Variants in METAP2 observed in about 807,000 individuals in gnomAD.
The protein encoded by METAP2 is methionine aminopeptidase 2.
Under a neutral mutation model 59.4 loss-of-function variants are expected in METAP2, and 25 were observed. The ratio of observed to expected loss-of-function variants is 0.42; its 90% confidence interval spans 0.31 to 0.59. The LOEUF (loss-of-function observed/expected upper bound fraction) is 0.59. METAP2 is among the 20% of genes least tolerant of loss of function. METAP2 has a pLI of 0.16. For synonymous variants in METAP2, 214 were observed against 194.1 expected (o/e 1.10, Z -0.85); for missense variants, 366 against 581.2 (o/e 0.63, Z 3.81).
At chr12:95,490,779 C>G (rs2076232128) in intron 4 of METAP2, among the ~76,000 whole-genome samples, 1 of 152,056 alleles carries the variant, frequency 6.6e-6, no homozygotes, top group Admixed American at 6.6e-5. Context: ...TTTTCTCTTT[C>G]TCTTCAGTGC....
chr12:95,485,915 G>A lies in METAP2; in HGVS notation c.362G>A (p.Cys121Tyr). The A allele has an allele frequency of 6.3e-7, 1 of 1,589,298 alleles. No individual in the cohort carries two copies. ...VQTDPPSVPI[C>Y]DLYPNGVFPK... ...ACAGACCCTCCCTCAGTTCCAATAT[G>A]TGACCTGTATCCTAATGGTGTATTT... The change falls in exon 4 of 11, where the codon TGT becomes TAT. Residue 121 changes from cysteine to tyrosine, a missense_variant. Physicochemically the swap from Cys to Tyr is radical, Grantham distance 194. Coordinates refer to ENST00000323666, the MANE Select transcript of METAP2 (RefSeq NM_006838.4).
At chr12:95,493,252 G>A (rs753523755) in intron 4 of METAP2, among the ~76,000 whole-genome samples, 1 of 152,208 alleles carries the variant, frequency 6.6e-6, no homozygotes, top group Non-Finnish European at 1.5e-5. Flanking sequence ...GAGACAGGGG[G>A]ATCACTTCGG....
chr12:95,514,609 A>G lies in METAP2; in HGVS notation c.*705A>G, dbSNP rs1381495008. 2.0e-5 allele frequency: 3 copies of G among 152,206 alleles called. No homozygotes were observed. Among genetic ancestry groups the G allele is most frequent in the Non-Finnish European group, 4.4e-5 (3 of 68,030 alleles). The allele number at this position is 152,206 out of a possible 1,614,324, so 9.4% of individuals were successfully genotyped here. ...TCTCCTGACATTGGAAAGATGTGCT[A>G]ATTGAAACTTGACTTAGTAGGAACA... On this transcript the variant is annotated 3_prime_UTR_variant, in exon 11 of 11. Coordinates refer to ENST00000323666, the MANE Select transcript of METAP2 (RefSeq NM_006838.4).
chr12:95,486,648 C>T (rs570753248), intron 4 of METAP2, among the ~76,000 whole-genome samples: 1 of 151,994 alleles, frequency 6.6e-6, no homozygotes, highest in South Asian at 2.1e-4. Context: ...CACGCATGCA[C>T]CACCATGCCT....
intron 10 of METAP2, among the ~76,000 whole-genome samples, 174 bp downstream of exon 10, chr12:95,513,090 TACACACACACACACACAC>T (rs60788079): frequency 5.5e-4 from 75 of 136,182 alleles, no homozygotes; most frequent in African/African-American, 1.9e-3. Context: ...AGATAAAAAT[TACACACACACACACACAC>T]ACACACACAC....
In METAP2 at chr12:95,496,086, C is replaced by T; in HGVS notation, c.855C>T (p.Asn285=). ...TAAAAGCTGTAAAAGATGCTACTAA[C>T]ACTGGAATAAAGGTATGTGAACTGT... is the stretch of plus-strand genomic sequence containing the variant. The part of the protein sequence containing the change: ...TLLKAVKDAT[N]TGIKCAGIDV... The change falls in exon 7 of 11, where the codon AAC becomes AAT. Residue 285 remains asparagine, a synonymous_variant. Transcript: ENST00000323666. 1 of 1,577,502 alleles carries T rather than the reference C, an allele frequency of 6.3e-7. No homozygotes were observed. The highest frequency in any genetic ancestry group is 1.1e-5 in the South Asian group (1 of 89,498).
chr12:95,496,150 G>A (rs773802490), intron 7 of METAP2, 52 bp downstream of exon 7: 7 of 1,244,006 alleles, frequency 5.6e-6, no homozygotes, highest in South Asian at 3.9e-5. Flanking sequence ...GCACTTTAAG[G>A]TCTTTTAAAC....
intron 2 of METAP2, among the ~76,000 whole-genome samples, chr12:95,477,758 T>C (rs2076131051): frequency 6.6e-6 from 1 of 152,082 alleles, no homozygotes. Context: ...TAATGTAGAG[T>C]AGTTGTTTTC....
At position 95,510,137 on chromosome 12, in the gene METAP2, G is replaced by A. The variant is rs995163824; in HGVS notation, c.965-1758G>A. Reference sequence around the variant, plus strand: ...CAGGCGTGAGCCACTGCACCTGGCCGTTTTTAGCCCTTTTTTAAAATTTGA... The same window carrying A: ...CAGGCGTGAGCCACTGCACCTGGCCATTTTTAGCCCTTTTTTAAAATTTGA... On this transcript the variant is annotated intron_variant, in intron 8 of 10. Transcript: ENST00000323666. 1.1e-4 allele frequency among the ~76,000 whole-genome samples: 16 copies of A among 152,120 alleles called. No homozygotes were observed. The South Asian group carries it at 1.7e-3, about 16-fold the overall frequency.
chr12:95,496,888 G>A (rs569690543), intron 7 of METAP2, among the ~76,000 whole-genome samples: 90 of 137,424 alleles, frequency 6.5e-4, no homozygotes, highest in Admixed American at 1.2e-3. Flanking sequence ...GCAGTGGCAC[G>A]ATCTCGACTC....
chr12:95,506,583 G>A (rs1220635557), intron 8 of METAP2, among the ~76,000 whole-genome samples: 2 of 152,020 alleles, frequency 1.3e-5, no homozygotes, highest in Non-Finnish European at 2.9e-5. Flanking sequence ...ACAGGCATGA[G>A]TCACCGTGCC....
chr12:95,481,154 C>T (rs1192879199), intron 2 of METAP2, among the ~76,000 whole-genome samples: 1 of 152,174 alleles, frequency 6.6e-6, no homozygotes, highest in Non-Finnish European at 1.5e-5. Flanking sequence ...CTCTGCTGGC[C>T]AGGCCTGGTG....
intron 6 of METAP2, among the ~76,000 whole-genome samples, 174 bp from the exon 7 acceptor site, chr12:95,495,830 T>C (rs17024308): frequency 0.087 from 13,218 of 152,204 alleles, 806 homozygotes; most frequent in African/African-American, 0.17. Context: ...TTTATATACT[T>C]CTACATTTTG....
intron 4 of METAP2, among the ~76,000 whole-genome samples, chr12:95,486,804 C>G (rs1266985229): frequency 6.6e-6 from 1 of 152,090 alleles, no homozygotes; most frequent in Non-Finnish European, 1.5e-5. Flanking sequence ...GCCAATATAC[C>G]ATTATTAAAT....
At chr12:95,483,571 ATAAACT>A (rs1018242995) in intron 3 of METAP2, 6 of 238,024 alleles carry the variant, frequency 2.5e-5, no homozygotes, top group African/African-American at 1.3e-4. Context: ...TGTTAGGGAA[ATAAACT>A]TAGGCTTAAT....
intron 4 of METAP2, among the ~76,000 whole-genome samples, chr12:95,491,636 G>A (rs1320306715): frequency 4.0e-5 from 6 of 151,686 alleles, no homozygotes; most frequent in Non-Finnish European, 5.9e-5. Flanking sequence ...TGAGCCTCCC[G>A]AGTAGCTGGG....
At chr12:95,491,910 A>T (rs2140149038) in intron 4 of METAP2, among the ~76,000 whole-genome samples, 1 of 151,874 alleles carries the variant, frequency 6.6e-6, no homozygotes, top group Non-Finnish European at 1.5e-5. Flanking sequence ...GGCTCAAGTG[A>T]TCCTCCTACC....
intron 4 of METAP2, among the ~76,000 whole-genome samples, chr12:95,490,426 TC>T (rs1800371047): frequency 6.6e-6 from 1 of 151,772 alleles, no homozygotes; most frequent in Non-Finnish European, 1.5e-5. Flanking sequence ...TTTTTATCGT[TC>T]GTTTAAAGTA....
At chr12:95,481,779 G>T (rs301041) in intron 2 of METAP2, among the ~76,000 whole-genome samples, 150,957 of 152,350 alleles carry the variant, frequency 0.99, 74,796 homozygotes, top group East Asian at 1. Flanking sequence ...TAAAATTGGT[G>T]ATGTATCTTC....
Sources: allele counts gnomAD v4.1 joint callset (sites outside exome capture counted in the v4.1 genomes callset), GRCh38; gene constraint gnomAD v4.1.1; transcripts MANE v1.5; gene names NCBI Gene and HGNC (gene_info 2026-07-23, HGNC 2026-07-21).